Variants in KCNQ5 observed in about 807,000 individuals in gnomAD.
The protein encoded by KCNQ5 is potassium voltage-gated channel subfamily KQT member 5.
In KCNQ5, 30 loss-of-function variants were observed where a neutral mutation model predicts 98.2. That is an observed-to-expected ratio of 0.31 (90% CI 0.23 to 0.41). The LOEUF (loss-of-function observed/expected upper bound fraction) is 0.41. Among genes scored for constraint, KCNQ5 ranks in the 10% least tolerant of loss-of-function variants. KCNQ5 has a pLI of 1.00. For missense variants in KCNQ5, 835 were observed against 1,182.5 expected (o/e 0.71, Z 4.31); for synonymous variants, 458 against 449.4 (o/e 1.02, Z -0.24).
intron 1 of KCNQ5, among the ~76,000 whole-genome samples, chr6:72,855,765 A>G (rs191214146): frequency 6.6e-6 from 1 of 152,308 alleles, no homozygotes; most frequent in East Asian, 1.9e-4. Flanking sequence ...CTGAGATATA[A>G]AATTCACCAT....
chr6:72,813,677 C>G (rs144565361), intron 1 of KCNQ5, among the ~76,000 whole-genome samples: 13 of 152,280 alleles, frequency 8.5e-5, no homozygotes, highest in Admixed American at 7.8e-4. Flanking sequence ...TCTGCAGGTG[C>G]TTAAGTCCCC....
At chr6:72,629,568 T>C (rs2098919705) in intron 1 of KCNQ5, among the ~76,000 whole-genome samples, 1 of 152,156 alleles carries the variant, frequency 6.6e-6, no homozygotes, top group Admixed American at 6.5e-5. Flanking sequence ...AAAAACACTA[T>C]AAACAAGAAA....
At chr6:72,908,878 T>G (rs1779808470) in intron 1 of KCNQ5, among the ~76,000 whole-genome samples, 1 of 152,168 alleles carries the variant, frequency 6.6e-6, no homozygotes, top group Non-Finnish European at 1.5e-5. Context: ...TTTTTAAAAT[T>G]AAAGATATCT....
Position 72,975,137 on chromosome 6 carries a change from A to G in KCNQ5, c.399-28771A>G, listed in dbSNP as rs955195608. ...TAACAAAATTTAAGTAAACATCTCT[A>G]GAACTTTCAGTGAAGGATAAAATAT... On this transcript the variant is annotated intron_variant, in intron 1 of 13. Coordinates refer to ENST00000370398, the MANE Select transcript of KCNQ5 (RefSeq NM_019842.4). Among the ~76,000 whole-genome samples the G allele has an allele frequency of 5.9e-5, 9 of 152,174 alleles. No individual in the cohort carries two copies. The South Asian group carries it at 8.3e-4, about 14-fold the overall frequency.
chr6:73,073,527 C>T (rs1178821308), intron 3 of KCNQ5, among the ~76,000 whole-genome samples: 1 of 152,090 alleles, frequency 6.6e-6, no homozygotes, highest in Non-Finnish European at 1.5e-5. Flanking sequence ...CCCAGGGAGG[C>T]AAAATTGTCC....
intron 3 of KCNQ5, among the ~76,000 whole-genome samples, chr6:73,051,639 A>T (rs1407031046): frequency 6.7e-6 from 1 of 149,772 alleles, no homozygotes; most frequent in Non-Finnish European, 1.5e-5. Flanking sequence ...TCCAGAAATG[A>T]AGCCAGTCAA....
chr6:72,829,076 T>C (rs1776124664), intron 1 of KCNQ5, among the ~76,000 whole-genome samples: 1 of 152,108 alleles, frequency 6.6e-6, no homozygotes, highest in South Asian at 2.1e-4. Context: ...ATAAACCAGT[T>C]TGACTGTGGT....
At chr6:72,739,064 G>T (rs1770996037) in intron 1 of KCNQ5, among the ~76,000 whole-genome samples, 1 of 152,076 alleles carries the variant, frequency 6.6e-6, no homozygotes, top group Non-Finnish European at 1.5e-5. Flanking sequence ...GATAATGATG[G>T]GTCAGTGTAG....
intron 1 of KCNQ5, among the ~76,000 whole-genome samples, chr6:72,910,301 C>T (rs191831647): frequency 6.6e-6 from 1 of 152,104 alleles, no homozygotes. Context: ...ATTCTTTTAA[C>T]CTTCTCATCT....
At chr6:72,967,284 A>G (rs1018024120) in intron 1 of KCNQ5, among the ~76,000 whole-genome samples, 2 of 152,206 alleles carry the variant, frequency 1.3e-5, no homozygotes, top group Non-Finnish European at 2.9e-5. Flanking sequence ...CTGGGATTTC[A>G]TAATCAGTCT....
chr6:73,060,678 G>A (rs183668962), intron 3 of KCNQ5, among the ~76,000 whole-genome samples: 232 of 152,218 alleles, frequency 1.5e-3, no homozygotes, highest in Non-Finnish European at 2.7e-3. Flanking sequence ...ATTATAAGGA[G>A]CTCTAGAAAT....
intron 1 of KCNQ5, among the ~76,000 whole-genome samples, chr6:72,708,689 T>G (rs954183398): frequency 1.3e-5 from 2 of 152,112 alleles, no homozygotes; most frequent in Non-Finnish European, 2.9e-5. Flanking sequence ...GCCCAGCTAA[T>G]TTTTGTATTT....
intron 1 of KCNQ5, among the ~76,000 whole-genome samples, chr6:72,746,064 C>CAAA (rs59726566): frequency 1.7e-4 from 14 of 80,214 alleles, no homozygotes; most frequent in African/African-American, 4.9e-4. Flanking sequence ...ACTCTATTTG[C>CAAA]AAAAAAAAAA....
intron 1 of KCNQ5, among the ~76,000 whole-genome samples, chr6:72,851,220 G>A (rs2150142379): frequency 6.6e-6 from 1 of 152,268 alleles, no homozygotes; most frequent in East Asian, 1.9e-4. Flanking sequence ...TGAACATCTT[G>A]CAAATTTATT....
At chr6:72,942,398 C>G (rs1384491781) in intron 1 of KCNQ5, among the ~76,000 whole-genome samples, 2 of 152,072 alleles carry the variant, frequency 1.3e-5, no homozygotes, top group African/African-American at 4.8e-5. Context: ...TATGATTACT[C>G]TATGTAAAAA....
rs532306739 is a variant in KCNQ5 at position 72,773,498 on chromosome 6, T to C, written c.398+150911T>C. 3.3e-4 allele frequency among the ~76,000 whole-genome samples: 50 copies of C among 152,158 alleles called. No individual in the cohort carries two copies. The East Asian group carries it at 8.5e-3, about 26-fold the overall frequency. Reference sequence around the variant, plus strand: ...GGATAGCATTAGGAGAAATACCTAATGTAGATGATGGGTTGATGGATGCAG... The same window carrying C: ...GGATAGCATTAGGAGAAATACCTAACGTAGATGATGGGTTGATGGATGCAG... On this transcript the variant is annotated intron_variant, in intron 1 of 13. Coordinates refer to ENST00000370398, the MANE Select transcript of KCNQ5 (RefSeq NM_019842.4).
chr6:73,158,253 GATTTTT>G (rs1208315854), intron 10 of KCNQ5: 35 of 157,814 alleles, frequency 2.2e-4, no homozygotes, highest in South Asian at 9.4e-4. Context: ...AATTTTGGAA[GATTTTT>G]TTTTTTTTTT....
chr6:72,888,350 G>T (rs1482293852), intron 1 of KCNQ5, among the ~76,000 whole-genome samples: 2 of 152,116 alleles, frequency 1.3e-5, no homozygotes, highest in Non-Finnish European at 2.9e-5. Context: ...TAGCATTTTT[G>T]AGAAACTGCA....
chr6:72,828,328 A>G (rs1021560012), intron 1 of KCNQ5, among the ~76,000 whole-genome samples: 1 of 152,070 alleles, frequency 6.6e-6, no homozygotes, highest in Non-Finnish European at 1.5e-5. Context: ...TAGAATTGTC[A>G]TTTCAACAAT....
Sources: gnomAD v4.1 joint callset for allele counts (sites outside exome capture counted in the v4.1 genomes callset) on GRCh38, gnomAD v4.1.1 for gene constraint, MANE v1.5 for transcripts, NCBI Gene and HGNC (gene_info 2026-07-23, HGNC 2026-07-21) for gene names.